CHAF1A: variants seen among roughly 807,000 people sequenced by gnomAD.
CHAF1A encodes chromatin assembly factor 1 subunit A.
A neutral mutation model predicts 93.2 loss-of-function variants in CHAF1A; 5 were observed. That is an observed-to-expected ratio of 0.05 (90% CI 0.03 to 0.11). The LOEUF is 0.11. Ranked by LOEUF, CHAF1A falls within the 10% of genes least tolerant of loss-of-function variation. The pLI is 1.00. For missense variants in CHAF1A, 1,102 were observed against 1,259.9 expected (o/e 0.87, Z 1.90); for synonymous variants, 504 against 510.3 (o/e 0.99, Z 0.17).
In CHAF1A at chr19:4,442,299, G is replaced by T. The variant is rs757184119; in HGVS notation, c.2728G>T (p.Glu910Ter). ...FQADTEEEEEEEGDCMIVDVP... is the reference protein window; with the variant it reads ...FQADTEEEEE ...GGCAGACACGGAGGAGGAGGAAGAG[G>T]AGGAGGGCGACTGTATGATCGTGGA... The change falls in exon 14 of 15, where the codon GAG becomes TAG. Residue 910 changes from glutamate (E) to a stop codon, truncating the protein, a stop_gained. Coordinates refer to ENST00000301280, the MANE Select transcript of CHAF1A (RefSeq NM_005483.3). LOFTEE classifies it low-confidence loss of function (END_TRUNC). 2 of 1,612,432 alleles carry T rather than the reference G, an allele frequency of 1.2e-6. No homozygotes were observed. Among genetic ancestry groups the T allele is most frequent in the South Asian group, 1.1e-5 (1 of 90,678 alleles).
downstream of CHAF1A, chr19:4,445,303 A>T: frequency 4.5e-6 from 4 of 897,380 alleles, no homozygotes; most frequent in Non-Finnish European, 6.7e-6. Flanking sequence ...GCTTGGGCGC[A>T]TCCCCACAGC....
At chr19:4,410,205 G>A (rs1386721928) in intron 3 of CHAF1A, among the ~76,000 whole-genome samples, 2 of 151,950 alleles carry the variant, frequency 1.3e-5, no homozygotes, top group Non-Finnish European at 2.9e-5. Flanking sequence ...CAGGAAGCAT[G>A]ACTTGGGGAA....
At chr19:4,436,759 C>T (rs774914596) in intron 13 of CHAF1A, among the ~76,000 whole-genome samples, 2 of 152,114 alleles carry the variant, frequency 1.3e-5, no homozygotes, top group African/African-American at 2.4e-5. Flanking sequence ...TGATTTGATG[C>T]AGCAGCTGCC....
Position 4,429,458 on chromosome 19 carries a change from G to T in CHAF1A, c.1625G>T (p.Arg542Leu). 1.2e-6 allele frequency: 2 copies of T among 1,614,004 alleles called. No individual in the cohort carries two copies. The highest frequency in any genetic ancestry group is 1.1e-5 in the South Asian group (1 of 91,078). The change falls in exon 9 of 15, where the codon CGT (arginine) becomes CTT (leucine). Residue 542 changes from arginine to leucine, a missense_variant. Arg to Leu is a moderately radical substitution (Grantham distance 102, BLOSUM62 -2). This residue lies in a region of CHAF1A where 335 missense variants were observed against 361.9 expected (regional missense o/e 0.93). Transcript: ENST00000301280. The stretch of plus-strand genomic sequence containing the variant: ...CTCAGTGATGTCGTCATCGTGGAGC[G>T]TGGGAAGGGCGACGGTGTTCCCGAG... ...IFNSDVVIVE[R>L]GKGDGVPERR...
At chr19:4,441,317 A>C (rs1293059685) in intron 13 of CHAF1A, among the ~76,000 whole-genome samples, 1 of 151,666 alleles carries the variant, frequency 6.6e-6, no homozygotes, top group Non-Finnish European at 1.5e-5. Flanking sequence ...CTCTGTCTCA[A>C]GATTTATATA....
intron 4 of CHAF1A, among the ~76,000 whole-genome samples, chr19:4,421,961 C>A (rs545818289): frequency 6.6e-6 from 1 of 151,944 alleles, no homozygotes; most frequent in African/African-American, 2.4e-5. Context: ...CCTGCCCCAG[C>A]CTCCTGAGTA....
At position 4,428,602 on chromosome 19, in the gene CHAF1A, G is replaced by C. The variant is rs573930293; in HGVS notation, c.1378-62G>C. On this transcript the variant is annotated intron_variant, in intron 7 of 14. Coordinates refer to ENST00000301280, the MANE Select transcript of CHAF1A (RefSeq NM_005483.3). Reference sequence around the variant, plus strand: ...ATCCCACCAGCACCCTGCTGTGTGCGTCCATGGTGCCTCCTTTCTCCCATT... The same window carrying C: ...ATCCCACCAGCACCCTGCTGTGTGCCTCCATGGTGCCTCCTTTCTCCCATT... The C allele has an allele frequency of 2.4e-4, 335 of 1,406,388 alleles. No homozygotes were observed. The African/African-American group carries it at 3.8e-3, about 16-fold the overall frequency. The allele number at this position is 1,406,388 out of a possible 1,614,324, so 87.1% of individuals were successfully genotyped here. A position where few individuals can be genotyped will look rare whatever the true frequency, so the allele number is the denominator to read the frequency against.
At chr19:4,431,013 C>T (rs1974172629) in intron 11 of CHAF1A, 2 of 213,408 alleles carry the variant, frequency 9.4e-6, no homozygotes, top group South Asian at 1.4e-4. Context: ...TGAATGTGGG[C>T]AACCACCGCC....
chr19:4,443,063 TC>T lies in CHAF1A; in HGVS notation c.*42del. 7.6e-7 allele frequency: 1 copy of T among 1,307,192 alleles called. No individual in the cohort carries two copies. The highest frequency in any genetic ancestry group is 1.1e-6 in the Non-Finnish European group (1 of 921,750). 81.0% of individuals were successfully genotyped at this position (1,307,192 alleles called of 1,614,324 possible). On this transcript the variant is annotated 3_prime_UTR_variant, in exon 15 of 15. Coordinates refer to ENST00000301280, the MANE Select transcript of CHAF1A (RefSeq NM_005483.3). ...CGTATGTAGAATGCTTAGGGTGTCC[TC>T]CCCACAGAGCAGATACTTGAACCGA... is the stretch of plus-strand genomic sequence containing the variant.
At chr19:4,406,582 G>A (rs112359102) in intron 2 of CHAF1A, among the ~76,000 whole-genome samples, 7 of 151,910 alleles carry the variant, frequency 4.6e-5, no homozygotes, top group Admixed American at 1.3e-4. Context: ...TTACAGGCGC[G>A]TGCCACCACA....
At chr19:4,446,589 G>A (rs777138995), downstream of CHAF1A, 7 of 1,612,670 alleles carry the variant, frequency 4.3e-6, no homozygotes, top group South Asian at 5.5e-5. Context: ...GCGAGGGCTG[G>A]AAGACGCGGC....
chr19:4,441,221 G>A (rs1204643769), intron 13 of CHAF1A, among the ~76,000 whole-genome samples: 2 of 152,134 alleles, frequency 1.3e-5, no homozygotes, highest in Non-Finnish European at 2.9e-5. Context: ...GGAGGCCGAG[G>A]CAGGAGAATC....
downstream of CHAF1A, chr19:4,448,348 C>A (rs781312851): frequency 6.2e-7 from 1 of 1,609,908 alleles, no homozygotes; most frequent in East Asian, 2.2e-5. Context: ...CAGCTTCACC[C>A]GGTCCTGGTC....
At chr19:4,443,793 G>C (rs1974443903), downstream of CHAF1A, among the ~76,000 whole-genome samples, 1 of 152,188 alleles carries the variant, frequency 6.6e-6, no homozygotes, top group Non-Finnish European at 1.5e-5. Flanking sequence ...CCCGCCCCAG[G>C]TTGAGTGGGC....
downstream of CHAF1A, chr19:4,446,658 C>T: frequency 1.9e-6 from 3 of 1,612,308 alleles, no homozygotes; most frequent in East Asian, 2.2e-5. Flanking sequence ...CCTTGTGCCT[C>T]TCCAGGCTCT....
chr19:4,446,223 G>T (rs1179735448), downstream of CHAF1A: 2 of 1,583,852 alleles, frequency 1.3e-6, no homozygotes, highest in Middle Eastern at 1.7e-4. Flanking sequence ...GTCAGAGCGG[G>T]TGGGGCCCAG....
In CHAF1A at chr19:4,408,803, A is replaced by C. The variant is rs1973733384; in HGVS notation, c.104-100A>C. 2.1e-6 allele frequency: 3 copies of C among 1,434,298 alleles called. No individual in the cohort carries two copies. The South Asian group carries it at 4.2e-5, about 20-fold the overall frequency. The allele number at this position is 1,434,298 out of a possible 1,614,324, so 88.8% of individuals were successfully genotyped here. Reference sequence around the variant, plus strand: ...TAGTCCCTTTTTAAACTTTAAAATTATCTCCCACCCCCATGTCCCAACAAA... The same window carrying C: ...TAGTCCCTTTTTAAACTTTAAAATTCTCTCCCACCCCCATGTCCCAACAAA... On this transcript the variant is annotated intron_variant, in intron 2 of 14. Coordinates refer to ENST00000301280, the MANE Select transcript of CHAF1A (RefSeq NM_005483.3).
chr19:4,443,350 G>A lies in CHAF1A; in HGVS notation c.*325G>A, dbSNP rs1974433477. On this transcript the variant is annotated 3_prime_UTR_variant, in exon 15 of 15. Coordinates refer to ENST00000301280, the MANE Select transcript of CHAF1A (RefSeq NM_005483.3). ...ACCACCCGCCTGGCCACGTGCGCGG[G>A]CCCCTGGACCTAACGAGGCAGTGTA... 1 of 337,610 alleles carries A rather than the reference G, an allele frequency of 3.0e-6. No individual in the cohort carries two copies. The highest frequency in any genetic ancestry group is 5.6e-6 in the Non-Finnish European group (1 of 177,254). 20.9% of individuals were successfully genotyped at this position (337,610 alleles called of 1,614,324 possible). A position where few individuals can be genotyped will look rare whatever the true frequency, so the allele number is the denominator to read the frequency against.
At chr19:4,445,305 C>G, downstream of CHAF1A, 1 of 929,766 alleles carries the variant, frequency 1.1e-6, no homozygotes, top group Non-Finnish European at 1.6e-6. Context: ...TTGGGCGCAT[C>G]CCCACAGCCC....
Sources: gnomAD v4.1 joint callset for allele counts (sites outside exome capture counted in the v4.1 genomes callset) on GRCh38, gnomAD v4.1.1 for gene constraint, gnomAD v4.1.1 regional missense constraint, MANE v1.5 for transcripts, NCBI Gene and HGNC (gene_info 2026-07-23, HGNC 2026-07-21) for gene names.